The following PEMT variants were observed in gnomAD, a reference collection of about 807,000 sequenced individuals.
PEMT encodes phospholipid methyltransferase.
PEMT carries 23 observed loss-of-function variants against 27.4 expected under a neutral mutation model. The observed-to-expected ratio is 0.84, with a 90% CI of 0.60 to 1.19. The LOEUF (loss-of-function observed/expected upper bound fraction) is 1.19. Among genes scored for constraint, PEMT ranks in the 50% most tolerant of loss-of-function variants. The pLI is 0.00. For missense variants in PEMT, 307 were observed against 310.1 expected (o/e 0.99, Z 0.07); for synonymous variants, 137 against 139.1 (o/e 0.98, Z 0.11).
At chr17:17,581,374 C>T (rs75998973) in intron 1 of PEMT, among the ~76,000 whole-genome samples, 1 of 152,050 alleles carries the variant, frequency 6.6e-6, no homozygotes, top group Admixed American at 6.5e-5. Flanking sequence ...AGCCTACTTT[C>T]CAGATAAAAG....
intron 2 of PEMT, among the ~76,000 whole-genome samples, chr17:17,539,601 G>A (rs1908738611): frequency 6.6e-6 from 1 of 152,218 alleles, no homozygotes; most frequent in Admixed American, 6.5e-5. Flanking sequence ...CTGAGGGACT[G>A]CTCGTGGGAT....
rs773039594 is a variant in PEMT, at chr17:17,505,861, G to A, written c.654-13C>T. On this transcript the variant is annotated splice_polypyrimidine_tract_variant and intron_variant, in intron 6 of 6. Coordinates refer to ENST00000255389, the MANE Select transcript of PEMT (RefSeq NM_148172.3). ...AGCGGTGAAGGGCCTGCCGGGCAGC[G>A]GGGAGAGGCTTCGGTCAGCAGGTCC... The A allele has an allele frequency of 1.2e-5, 19 of 1,606,556 alleles. No homozygotes were observed. Among genetic ancestry groups the A allele is most frequent in the East Asian group, 4.5e-5 (2 of 44,652 alleles).
At position 17,513,922 on chromosome 17, in the gene PEMT, C is replaced by T. The variant is rs901253978; in HGVS notation, c.321-1268G>A. On this transcript the variant is annotated intron_variant, in intron 3 of 6. Transcript: ENST00000255389. The surrounding 1 kb of genome is among the most constrained non-coding windows in gnomAD (Gnocchi z 4.1). ...AGATCTGCTACCTCACGCAGGGCAGCGCCTTTCACACCCAGTCTGTAGACG... is the reference window on the plus strand; with the variant it reads ...AGATCTGCTACCTCACGCAGGGCAGTGCCTTTCACACCCAGTCTGTAGACG... Among the ~76,000 whole-genome samples the T allele has an allele frequency of 1.3e-5, 2 of 152,148 alleles. No homozygotes were observed. Among genetic ancestry groups the T allele is most frequent in the South Asian group, 2.1e-4 (1 of 4,816 alleles).
intron 3 of PEMT, among the ~76,000 whole-genome samples, chr17:17,518,476 G>T (rs2142530878): frequency 6.6e-6 from 1 of 152,318 alleles, no homozygotes; most frequent in African/African-American, 2.4e-5. Context: ...CTGTGCTAAT[G>T]GCCCCTTCGG....
chr17:17,525,468 T>C (rs1240175958), intron 2 of PEMT, among the ~76,000 whole-genome samples: 2 of 152,224 alleles, frequency 1.3e-5, no homozygotes, highest in Non-Finnish European at 2.9e-5. Flanking sequence ...GCTCGTTTCA[T>C]CCAACAATGA....
chr17:17,576,584 G>T (rs1433047035), intron 2 of PEMT, among the ~76,000 whole-genome samples: 1 of 152,240 alleles, frequency 6.6e-6, no homozygotes, highest in Non-Finnish European at 1.5e-5. Context: ...CCCACTTCAT[G>T]CATGAGAAGG....
At chr17:17,531,236 G>C (rs181329435) in intron 2 of PEMT, among the ~76,000 whole-genome samples, 2 of 152,238 alleles carry the variant, frequency 1.3e-5, no homozygotes, top group Admixed American at 6.5e-5. Context: ...AGACGAGGTG[G>C]AAACGCCAGA....
rs1359692381 is a variant in PEMT at position 17,522,379 on chromosome 17, T to C, written c.221A>G (p.His74Arg). ...LYWNVVARWE[H>R]KTRKLSRAFG... The stretch of plus-strand genomic sequence containing the variant: ...GGCCCTGCTCAGCTTGCGGGTCTTG[T>C]GTTCCCATCGTGCAACCTAAACCGT... The change falls in exon 3 of 7, where the codon CAC (histidine) becomes CGC (arginine). Residue 74 changes from histidine to arginine, a missense_variant. Physicochemically the swap from His to Arg is conservative, Grantham distance 29. Coordinates refer to ENST00000255389, the MANE Select transcript of PEMT (RefSeq NM_148172.3). 8.1e-6 allele frequency: 13 copies of C among 1,613,284 alleles called. No homozygotes were observed. Among genetic ancestry groups the C allele is most frequent in the Non-Finnish European group, 1.1e-5 (13 of 1,179,526 alleles).
Position 17,522,234 on chromosome 17 carries a change from C to G in PEMT, c.320+46G>C, listed in dbSNP as rs571690402. Reference sequence around the variant, plus strand: ...GAGGTACCACCAGTAGCGGCCCTCCCGCTAGCCCAGGGGTTGTGGCTCCCC... The same window carrying G: ...GAGGTACCACCAGTAGCGGCCCTCCGGCTAGCCCAGGGGTTGTGGCTCCCC... On this transcript the variant is annotated intron_variant, in intron 3 of 6. Coordinates refer to ENST00000255389, the MANE Select transcript of PEMT (RefSeq NM_148172.3). 8 of 1,422,842 alleles carry G rather than the reference C, an allele frequency of 5.6e-6. No individual in the cohort carries two copies. In the Admixed American group the frequency reaches 8.5e-5, roughly 15 times the overall value. 88.1% of individuals were successfully genotyped at this position (1,422,842 alleles called of 1,614,324 possible).
In PEMT at chr17:17,527,912, A is replaced by C. The variant is rs77950706; in HGVS notation, c.205-5517T>G. Among the ~76,000 whole-genome samples, 73 of 152,232 alleles carry C rather than the reference A, an allele frequency of 4.8e-4. 5 individuals are homozygous for C. In the East Asian group the frequency reaches 0.014, roughly 29 times the overall value. On this transcript the variant is annotated intron_variant, in intron 2 of 6. Transcript: ENST00000255389. ...TCTCTCACCTTGTCCTTCCCTGGCT[A>C]AATCTGCCTAATACCCAGCTGCAGT...
Position 17,512,082 on chromosome 17 carries a change from C to T in PEMT, c.466+427G>A, listed in dbSNP as rs763384553. On this transcript the variant is annotated intron_variant, in intron 4 of 6. Coordinates refer to ENST00000255389, the MANE Select transcript of PEMT (RefSeq NM_148172.3). The surrounding 1 kb of genome is among the most constrained non-coding windows in gnomAD (Gnocchi z 6.3). ...ACAATCCTGCCTGGCCTGAGAGCCACGCGTGCCGGGAGCTGCCAGAGAGGT... is the reference window on the plus strand; with the variant it reads ...ACAATCCTGCCTGGCCTGAGAGCCATGCGTGCCGGGAGCTGCCAGAGAGGT... Among the ~76,000 whole-genome samples, 17 of 152,208 alleles carry T rather than the reference C, an allele frequency of 1.1e-4. No individual in the cohort carries two copies. Among genetic ancestry groups the T allele is most frequent in the South Asian group, 2.1e-4 (1 of 4,828 alleles).
chr17:17,572,486 T>C (rs767866627), intron 2 of PEMT, among the ~76,000 whole-genome samples: 8 of 152,192 alleles, frequency 5.3e-5, no homozygotes, highest in Non-Finnish European at 1.2e-4. Flanking sequence ...CCCAGGACTT[T>C]TGCACTTGTG....
At chr17:17,557,612 T>C (rs13342397) in intron 2 of PEMT, among the ~76,000 whole-genome samples, 19,612 of 152,198 alleles carry the variant, frequency 0.13, 2,261 homozygotes, top group African/African-American at 0.31. Flanking sequence ...GTACTTTCCA[T>C]TGGGGCAAAT....
chr17:17,566,122 A>G (rs1003721115), intron 2 of PEMT, among the ~76,000 whole-genome samples: 9 of 152,252 alleles, frequency 5.9e-5, no homozygotes, highest in African/African-American at 2.2e-4. Flanking sequence ...GAAATTGTCC[A>G]TGGAATTTCA....
chr17:17,563,046 G>T (rs1199684254), intron 2 of PEMT, among the ~76,000 whole-genome samples: 1 of 152,184 alleles, frequency 6.6e-6, no homozygotes. Flanking sequence ...TCTGACGCCT[G>T]CCTTGGACAC....
chr17:17,528,278 C>CT (rs1290219150), intron 2 of PEMT, among the ~76,000 whole-genome samples: 1 of 152,248 alleles, frequency 6.6e-6, no homozygotes, highest in African/African-American at 2.4e-5. Flanking sequence ...GACTGGCCCC[C>CT]TTTCCAGCCC....
At chr17:17,541,789 G>C (rs968547390) in intron 2 of PEMT, among the ~76,000 whole-genome samples, 1 of 152,218 alleles carries the variant, frequency 6.6e-6, no homozygotes, top group African/African-American at 2.4e-5. Flanking sequence ...CTGTGGCCTG[G>C]GCTGCCAAGG....
chr17:17,570,771 G>C, intron 2 of PEMT: 1 of 985,474 alleles, frequency 1.0e-6, no homozygotes, highest in Non-Finnish European at 1.2e-6. Context: ...CTAGAGAGGA[G>C]CAGTGGGGAG....
At chr17:17,547,075 C>A (rs1004873237) in intron 2 of PEMT, among the ~76,000 whole-genome samples, 27 of 152,254 alleles carry the variant, frequency 1.8e-4, no homozygotes, top group African/African-American at 6.0e-4. Flanking sequence ...GCCTGGGGGG[C>A]ACCCAATGTT....
Sources: allele counts gnomAD v4.1 joint callset (sites outside exome capture counted in the v4.1 genomes callset), GRCh38; gene constraint gnomAD v4.1.1; non-coding constraint Gnocchi (gnomAD v3.1); transcripts MANE v1.5; gene names NCBI Gene and HGNC (gene_info 2026-07-23, HGNC 2026-07-21).